The following ABL1 variants were observed in gnomAD, a reference collection of about 807,000 sequenced individuals.
ABL1 encodes the protein tyrosine-protein kinase ABL1.
Under a neutral mutation model 94.7 loss-of-function variants are expected in ABL1, and 11 were observed. The ratio of observed to expected loss-of-function variants is 0.12; its 90% confidence interval spans 0.07 to 0.19. ABL1 has a LOEUF of 0.19. ABL1 is among the 10% of genes least tolerant of loss of function. The pLI, the probability that ABL1 is intolerant of heterozygous loss-of-function variation, is 1.00. For synonymous variants in ABL1, 656 were observed against 622.4 expected (o/e 1.05, Z -0.80); for missense variants, 1,082 against 1,489.4 (o/e 0.73, Z 4.50).
intron 1 of ABL1, among the ~76,000 whole-genome samples, chr9:130,771,259 T>C (rs938158544): frequency 1.3e-5 from 2 of 152,072 alleles, no homozygotes; most frequent in Admixed American, 6.6e-5. Flanking sequence ...TGTATGTATG[T>C]ATGTATGTAG....
intron 1 of ABL1, among the ~76,000 whole-genome samples, chr9:130,720,038 G>C (rs919009985): frequency 2.0e-5 from 3 of 152,206 alleles, no homozygotes; most frequent in Admixed American, 2.0e-4. Flanking sequence ...TACAACAATT[G>C]AAAGCACTTA....
chr9:130,840,929 G>A (rs566709544), intron 1 of ABL1, among the ~76,000 whole-genome samples: 1 of 152,310 alleles, frequency 6.6e-6, no homozygotes, highest in South Asian at 2.1e-4. Context: ...TAAAGTTACA[G>A]TTTCAAAGCC....
Position 130,808,165 on chromosome 9 carries a change from A to G in ABL1, c.137-45899A>G, listed in dbSNP as rs114434592. ...TTTTGACTTCATTTTTTTAAATCAA[A>G]TAAGCATGTTAACCCGGTATTGCTG... is the stretch of plus-strand genomic sequence containing the variant. On this transcript the variant is annotated intron_variant, in intron 1 of 10. Coordinates refer to the ABL1 transcript ENST00000372348. Among the ~76,000 whole-genome samples the G allele has an allele frequency of 7.8e-3, 1,184 of 150,904 alleles. 16 individuals are homozygous for G. The highest frequency in any genetic ancestry group is 0.027 in the African/African-American group (1,104 of 41,248).
intron 1 of ABL1, among the ~76,000 whole-genome samples, chr9:130,733,678 A>G (rs1384127888): frequency 6.9e-6 from 1 of 144,380 alleles, no homozygotes; most frequent in Non-Finnish European, 1.5e-5. Flanking sequence ...ACCTGGGTTC[A>G]CACCATTCTC....
chr9:130,836,168 G>A (rs1381614737), intron 1 of ABL1, among the ~76,000 whole-genome samples: 1 of 152,146 alleles, frequency 6.6e-6, no homozygotes, highest in Non-Finnish European at 1.5e-5. Context: ...CAGGGGAGGG[G>A]AGCCCATTTA....
intron 1 of ABL1, among the ~76,000 whole-genome samples, chr9:130,765,266 A>G (rs1476101796): frequency 6.6e-6 from 1 of 152,054 alleles, no homozygotes; most frequent in African/African-American, 2.4e-5. Flanking sequence ...TCAGAGGTAC[A>G]AGGGGAGGCT....
intron 1 of ABL1, among the ~76,000 whole-genome samples, chr9:130,733,094 G>C (rs1380517216): frequency 2.6e-5 from 4 of 152,146 alleles, no homozygotes; most frequent in Non-Finnish European, 4.4e-5. Context: ...TGTCTTGTTT[G>C]CTCTTTGGCT....
At chr9:130,847,290 T>C (rs150748241) in intron 1 of ABL1, among the ~76,000 whole-genome samples, 4 of 152,228 alleles carry the variant, frequency 2.6e-5, no homozygotes, top group African/African-American at 7.2e-5. Context: ...TTAAGAATAA[T>C]AGCAGATGCT....
chr9:130,797,317 G>A (rs1043238248), intron 1 of ABL1, among the ~76,000 whole-genome samples: 1 of 137,074 alleles, frequency 7.3e-6, no homozygotes, highest in Non-Finnish European at 1.5e-5. Context: ...ATTTATTCTT[G>A]TCTTTGGAGA....
Position 130,846,289 on chromosome 9 carries a change from G to C in ABL1, c.80-7775G>C, listed in dbSNP as rs949605939. Among the ~76,000 whole-genome samples, 3 of 152,170 alleles carry C rather than the reference G, an allele frequency of 2.0e-5. No individual in the cohort carries two copies. In the East Asian group the frequency reaches 5.8e-4, roughly 29 times the overall value. Reference sequence around the variant, plus strand: ...GTTTGAGACTGTTATAAAATAACTTGAGAATAGTCTGAGCATGATCTCATC... The same window carrying C: ...GTTTGAGACTGTTATAAAATAACTTCAGAATAGTCTGAGCATGATCTCATC... On this transcript the variant is annotated intron_variant, in intron 1 of 10. Coordinates refer to ENST00000318560, the MANE Select transcript of ABL1 (RefSeq NM_005157.6).
At chr9:130,721,602 CAA>C (rs1454818718) in intron 1 of ABL1, among the ~76,000 whole-genome samples, 1 of 151,782 alleles carries the variant, frequency 6.6e-6, no homozygotes, top group Non-Finnish European at 1.5e-5. Context: ...CCCAGCTACT[CAA>C]GAGGCTAAAG....
At chr9:130,878,318 C>T in intron 7 of ABL1, 97 bp from the exon 8 acceptor site, 1 of 1,414,532 alleles carries the variant, frequency 7.1e-7, no homozygotes, top group South Asian at 1.3e-5. Context: ...CTGGGGCCAT[C>T]CCTTCTGAGG....
chr9:130,738,360 A>G (rs974169771), intron 1 of ABL1, among the ~76,000 whole-genome samples: 1 of 152,236 alleles, frequency 6.6e-6, no homozygotes, highest in Admixed American at 6.5e-5. Flanking sequence ...AACTTTTAAT[A>G]TTTAATATTC....
chr9:130,858,540 T>C (rs796312737), intron 3 of ABL1, among the ~76,000 whole-genome samples: 2 of 152,204 alleles, frequency 1.3e-5, no homozygotes, highest in African/African-American at 4.8e-5. Flanking sequence ...TCTGCGGAGG[T>C]TCCTTCCTGT....
chr9:130,768,876 G>A (rs1336918344), intron 1 of ABL1, among the ~76,000 whole-genome samples: 1 of 152,194 alleles, frequency 6.6e-6, no homozygotes, highest in South Asian at 2.1e-4. Flanking sequence ...GGCTGTTAAA[G>A]AGCTAGAGGT....
rs1168330887 is a variant in ABL1, at chr9:130,735,959, A to ATTTT, written c.136+21505_136+21506insTTTT. Among the ~76,000 whole-genome samples the ATTTT allele has an allele frequency of 2.5e-3, 203 of 81,688 alleles. 1 individual carries two copies. The highest frequency in any genetic ancestry group is 0.011 in the African/African-American group (124 of 11,560). The allele number at this position is 81,688 out of a possible 152,430, so 53.6% of individuals were successfully genotyped here. A position where few individuals can be genotyped will look rare whatever the true frequency, so the allele number is the denominator to read the frequency against. ...CATATATATATATATATATATATAT[A>ATTTT]TATTTTTTTTTTTTAAGACAGGGTC... On this transcript the variant is annotated intron_variant, in intron 1 of 10. Transcript: ENST00000372348.
intron 1 of ABL1, among the ~76,000 whole-genome samples, chr9:130,733,057 A>G (rs1261754507): frequency 6.6e-6 from 1 of 152,202 alleles, no homozygotes; most frequent in Non-Finnish European, 1.5e-5. Context: ...TGAGAATAAG[A>G]GGATGGAGCC....
intron 7 of ABL1, among the ~76,000 whole-genome samples, chr9:130,875,283 A>G (rs1369367496): frequency 6.6e-6 from 1 of 152,054 alleles, no homozygotes; most frequent in East Asian, 1.9e-4. Flanking sequence ...CTGGGATTAT[A>G]GGCACCCGCC....
At chr9:130,783,716 C>A (rs559080481) in intron 1 of ABL1, among the ~76,000 whole-genome samples, 27 of 152,014 alleles carry the variant, frequency 1.8e-4, no homozygotes, top group Non-Finnish European at 2.8e-4. Flanking sequence ...AGTGCAGTGG[C>A]GCAGTCTCCA....
Sources: gnomAD v4.1 joint callset for allele counts (sites outside exome capture counted in the v4.1 genomes callset) on GRCh38, gnomAD v4.1.1 for gene constraint, MANE v1.5 for transcripts, NCBI Gene and HGNC (gene_info 2026-07-23, HGNC 2026-07-21) for gene names.